Variants in NFIB observed in about 807,000 individuals in gnomAD.
NFIB encodes nuclear factor I B.
A neutral mutation model predicts 61.5 loss-of-function variants in NFIB; 11 were observed. The observed-to-expected ratio is 0.18, with a 90% CI of 0.11 to 0.30. The LOEUF (loss-of-function observed/expected upper bound fraction) is 0.30, where lower values mean the gene tolerates loss of function less well. Ranked by LOEUF, NFIB falls within the 10% of genes least tolerant of loss-of-function variation. The probability of loss-of-function intolerance (pLI) is 1.00; values close to 1 mark genes in which losing one functional copy is unlikely to be tolerated. For missense variants in NFIB, 471 were observed against 608.9 expected (o/e 0.77, Z 2.38); for synonymous variants, 260 against 216.5 (o/e 1.20, Z -1.76).
At chr9:14,298,988 T>C (rs1017228816) in intron 2 of NFIB, among the ~76,000 whole-genome samples, 31 of 152,150 alleles carry the variant, frequency 2.0e-4, no homozygotes, top group African/African-American at 7.2e-4. Flanking sequence ...TTTAAGGTAA[T>C]CCAACCAGAA....
chr9:14,358,976 C>A (rs1465298457), intron 1 of NFIB, among the ~76,000 whole-genome samples: 1 of 152,200 alleles, frequency 6.6e-6, no homozygotes, highest in South Asian at 2.1e-4. Context: ...TTACTTACAT[C>A]TGTTGGATCT....
the NFIB span, among the ~76,000 whole-genome samples, chr9:14,495,501 T>C: frequency 6.8e-6 from 1 of 145,992 alleles, no homozygotes; most frequent in Non-Finnish European, 1.5e-5. Flanking sequence ...TTTTAACTGC[T>C]GGACTATGTG....
At chr9:14,275,468 G>A (rs1032762043) in intron 2 of NFIB, among the ~76,000 whole-genome samples, 13 of 152,178 alleles carry the variant, frequency 8.5e-5, no homozygotes, top group East Asian at 7.7e-4. Context: ...AAAAGTGCAC[G>A]GCGCCATGGT....
the NFIB span, among the ~76,000 whole-genome samples, chr9:14,530,761 C>G: frequency 6.6e-6 from 1 of 152,094 alleles, no homozygotes; most frequent in Admixed American, 6.5e-5. Flanking sequence ...CAGGGCTGGC[C>G]ATACCCCTCC....
the NFIB span, among the ~76,000 whole-genome samples, chr9:14,475,033 G>C: frequency 6.6e-6 from 1 of 152,186 alleles, no homozygotes; most frequent in Non-Finnish European, 1.5e-5. Flanking sequence ...CTAATGTCTT[G>C]CAGAAACTCT....
chr9:14,491,030 A>G, the NFIB span, among the ~76,000 whole-genome samples: 1 of 152,238 alleles, frequency 6.6e-6, no homozygotes, highest in Non-Finnish European at 1.5e-5. Context: ...ATGGAACACT[A>G]TGTAGAAATT....
At chr9:14,291,446 C>T (rs2059093180) in intron 2 of NFIB, among the ~76,000 whole-genome samples, 1 of 152,160 alleles carries the variant, frequency 6.6e-6, no homozygotes, top group Non-Finnish European at 1.5e-5. Context: ...GATCACGCCA[C>T]TGCACTCCAG....
At chr9:14,195,711 CTG>C (rs1208897155) in intron 2 of NFIB, among the ~76,000 whole-genome samples, 3 of 152,190 alleles carry the variant, frequency 2.0e-5, no homozygotes, top group African/African-American at 7.2e-5. Flanking sequence ...AAAGCTATCA[CTG>C]TGTTTTCAAA....
At chr9:14,356,604 T>C (rs930017212) in intron 1 of NFIB, among the ~76,000 whole-genome samples, 1 of 151,178 alleles carries the variant, frequency 6.6e-6, no homozygotes, top group Non-Finnish European at 1.5e-5. Context: ...TCGTCTCCTG[T>C]TTTTTGCCTG....
intron 2 of NFIB, among the ~76,000 whole-genome samples, chr9:14,237,605 C>G (rs1418679054): frequency 6.6e-6 from 1 of 152,112 alleles, no homozygotes; most frequent in Non-Finnish European, 1.5e-5. Flanking sequence ...ATCTCGTCCC[C>G]ACATACCAGA....
chr9:14,328,858 T>C (rs1039978806), intron 1 of NFIB, among the ~76,000 whole-genome samples: 1 of 152,236 alleles, frequency 6.6e-6, no homozygotes, highest in African/African-American at 2.4e-5. Flanking sequence ...CTTTTGTTTT[T>C]TCCCTCCTAA....
chr9:14,329,099 GA>G (rs2060789510), intron 1 of NFIB, among the ~76,000 whole-genome samples: 1 of 152,072 alleles, frequency 6.6e-6, no homozygotes, highest in South Asian at 2.1e-4. Context: ...TCCTCACTTA[GA>G]TTTCTGACTT....
intron 2 of NFIB, among the ~76,000 whole-genome samples, chr9:14,227,628 T>C (rs888474501): frequency 3.3e-5 from 5 of 152,212 alleles, no homozygotes; most frequent in African/African-American, 1.2e-4. Context: ...ATTTATTTTC[T>C]CCAATGTTGT....
the NFIB span, among the ~76,000 whole-genome samples, chr9:14,443,401 C>T: frequency 6.6e-6 from 1 of 152,168 alleles, no homozygotes; most frequent in Non-Finnish European, 1.5e-5. Context: ...GTCTCATAGG[C>T]ATCTCAGGTT....
chr9:14,487,806 C>A, the NFIB span, among the ~76,000 whole-genome samples: 2 of 152,198 alleles, frequency 1.3e-5, no homozygotes, highest in African/African-American at 4.8e-5. Context: ...TTTGAATTTT[C>A]ATTCACAGAC....
intron 5 of NFIB, among the ~76,000 whole-genome samples, chr9:14,147,953 T>C (rs1335770758): frequency 3.3e-5 from 5 of 152,030 alleles, no homozygotes; most frequent in African/African-American, 1.2e-4. Flanking sequence ...AAATGATACA[T>C]TTTAATATGG....
chr9:14,240,267 TTCTC>T (rs2054217097), intron 2 of NFIB, among the ~76,000 whole-genome samples: 1 of 151,668 alleles, frequency 6.6e-6, no homozygotes, highest in Non-Finnish European at 1.5e-5. Context: ...CCCTCTCTCT[TTCTC>T]TCCCTCTCTC....
intron 3 of NFIB, among the ~76,000 whole-genome samples, chr9:14,163,486 G>A (rs1024548234): frequency 6.6e-6 from 1 of 151,670 alleles, no homozygotes; most frequent in African/African-American, 2.4e-5. Flanking sequence ...CAAACAAAAA[G>A]GAAGCAGTAT....
At chr9:14,124,269 C>A (rs954880756) in intron 7 of NFIB, among the ~76,000 whole-genome samples, 1 of 152,126 alleles carries the variant, frequency 6.6e-6, no homozygotes, top group Non-Finnish European at 1.5e-5. Flanking sequence ...GGTGATTTGA[C>A]TTCTCAGTTA....
Sources: allele counts gnomAD v4.1 joint callset (sites outside exome capture counted in the v4.1 genomes callset), GRCh38; gene constraint gnomAD v4.1.1; transcripts MANE v1.5; gene names NCBI Gene and HGNC (gene_info 2026-07-23, HGNC 2026-07-21).